Variants in CRB2 observed in about 807,000 individuals in gnomAD.
CRB2 encodes the protein protein crumbs homolog 2.
A neutral mutation model predicts 110.9 loss-of-function variants in CRB2; 85 were observed. That is an observed-to-expected ratio of 0.77 (90% CI 0.64 to 0.92). CRB2 has a LOEUF of 0.92. Among genes scored for constraint, CRB2 ranks in the 40% least tolerant of loss-of-function variants. The probability of loss-of-function intolerance (pLI) is 0.00; values close to 1 mark genes in which losing one functional copy is unlikely to be tolerated. For missense variants in CRB2, 1,843 were observed against 1,851.3 expected (o/e 1.00, Z 0.08); for synonymous variants, 907 against 831.0 (o/e 1.09, Z -1.57).
chr9:123,362,890 T>C lies in CRB2; in HGVS notation c.120T>C (p.Ser40=). The C allele has an allele frequency of 6.3e-7, 1 of 1,588,702 alleles. No individual in the cohort carries two copies. The highest frequency in any genetic ancestry group is 8.6e-7 in the Non-Finnish European group (1 of 1,160,084). Residue 40 remains serine, a synonymous_variant, in exon 2 of 13, where the codon AGT becomes AGC. Transcript: ENST00000373631. ...LAGTVPSEPP[S]ACASDPCAPG... is the part of the protein sequence containing the mutation. Reference sequence around the variant, plus strand: ...GGACGGTGCCTTCAGAGCCCCCCAGTGCCTGTGCCTCAGACCCGTGCGCTC... The same window carrying C: ...GGACGGTGCCTTCAGAGCCCCCCAGCGCCTGTGCCTCAGACCCGTGCGCTC...
chr9:123,371,055 C>T lies in CRB2; in HGVS notation c.1928-15C>T, dbSNP rs1312932730. 1 of 1,606,800 alleles carries T rather than the reference C, an allele frequency of 6.2e-7. No homozygotes were observed. The highest frequency in any genetic ancestry group is 8.5e-7 in the Non-Finnish European group (1 of 1,176,202). On this transcript the variant is annotated splice_polypyrimidine_tract_variant and intron_variant, in intron 7 of 12. Transcript: ENST00000373631. ...AGCCTGCAGGCCTCACACCTGGCAC[C>T]TTCTCTCCCTGCAGAGATTCCTGCT...
intron 12 of CRB2, 116 bp from the exon 13 acceptor site, chr9:123,376,722 G>A: frequency 9.9e-7 from 1 of 1,015,052 alleles, no homozygotes; most frequent in Non-Finnish European, 1.4e-6. Context: ...AGGGCAGCCT[G>A]CTCCCAGCTC....
Position 123,368,796 on chromosome 9 carries a change from G to A in CRB2, c.1054+1110G>A, listed in dbSNP as rs578117683. 25 of 1,193,912 alleles carry A rather than the reference G, an allele frequency of 2.1e-5. No homozygotes were observed. The African/African-American group carries it at 2.8e-4, about 13-fold the overall frequency. 74.0% of individuals were successfully genotyped at this position (1,193,912 alleles called of 1,614,324 possible). ...TGCCTGGCATTCCTGAGCAGGCTCC[G>A]AAGGAGGCAGCTGGGCCAGGCAGGG... is the stretch of plus-strand genomic sequence containing the variant. On this transcript the variant is annotated intron_variant, in intron 6 of 12. Coordinates refer to ENST00000373631, the MANE Select transcript of CRB2 (RefSeq NM_173689.7).
intron 2 of CRB2, 93 bp downstream of exon 2, chr9:123,363,281 G>T (rs558701795): frequency 1.5e-6 from 2 of 1,340,350 alleles, no homozygotes; most frequent in Admixed American, 4.3e-5. Context: ...TTTGCCTTTC[G>T]TGTAGGGACG....
At chr9:123,372,481 C>A in intron 9 of CRB2, 139 bp downstream of exon 9, 1 of 1,082,266 alleles carries the variant, frequency 9.2e-7, no homozygotes, top group Non-Finnish European at 1.3e-6. Context: ...GGGGCCACCG[C>A]ATGTAGAGGG....
chr9:123,367,164 G>GC lies in CRB2; in HGVS notation c.755-3dup. 1 of 1,575,576 alleles carries GC rather than the reference G, an allele frequency of 6.3e-7. No homozygotes were observed. ...TGAGACCTGATGTCCGCGTGTGTGT[G>GC]CCCCCAGGCTACAGCGGCGAGCTGT... On this transcript the variant is annotated splice_region_variant and splice_polypyrimidine_tract_variant and intron_variant, in intron 4 of 12. Transcript: ENST00000373631.
intron 10 of CRB2, 153 bp downstream of exon 10, chr9:123,374,073 T>A (rs2042065510): frequency 1.9e-6 from 2 of 1,044,184 alleles, no homozygotes; most frequent in Admixed American, 2.0e-5. Context: ...TTTGATAAAT[T>A]TCCTGATAAA....
chr9:123,377,360 C>G lies in CRB2; in HGVS notation c.*298C>G, dbSNP rs117309020. On this transcript the variant is annotated 3_prime_UTR_variant, in exon 13 of 13. Coordinates refer to ENST00000373631, the MANE Select transcript of CRB2 (RefSeq NM_173689.7). ...ACAGTGTGTTCAGGAGTGTGTGTAT[C>G]TGGAGGAGTGTGTGTGTGAGTGTGT... 215 of 364,218 alleles carry G rather than the reference C, an allele frequency of 5.9e-4. 2 individuals carry two copies. The East Asian group carries it at 8.3e-3, about 14-fold the overall frequency. The allele number at this position is 364,218 out of a possible 1,614,324, so 22.6% of individuals were successfully genotyped here. A position where few individuals can be genotyped will look rare whatever the true frequency, so the allele number is the denominator to read the frequency against.
chr9:123,358,776 T>A (rs577029216), intron 1 of CRB2, among the ~76,000 whole-genome samples: 91 of 152,318 alleles, frequency 6.0e-4, no homozygotes, highest in African/African-American at 1.9e-3. Flanking sequence ...TCACGTCTCT[T>A]CTCTGTCTCT....
At chr9:123,379,387 G>A (rs761576468), downstream of CRB2, among the ~76,000 whole-genome samples, 2 of 152,250 alleles carry the variant, frequency 1.3e-5, no homozygotes, top group South Asian at 2.1e-4. Context: ...CCTCAACGTC[G>A]TTGGAGGCCT....
intron 5 of CRB2, 60 bp downstream of exon 5, chr9:123,367,417 G>GGCCACCCCCCCCC: frequency 1.6e-6 from 2 of 1,269,294 alleles, no homozygotes; most frequent in South Asian, 1.4e-5. Context: ...GGGATCTTGT[G>GGCCACCCCCCCCC]CCCACCCCCC....
chr9:123,374,606 C>T lies in CRB2; in HGVS notation c.3417C>T (p.Ser1139=), dbSNP rs375028496. ...CRLPVPSKEC[S]LNVTCLDGSP... ...TGCCTGTCCCATCCAAGGAGTGCAG[C>T]CTGAATGTCACCTGCCTCGATGGCA... The change falls in exon 11 of 13, where the codon AGC becomes AGT. Residue 1139 remains serine, a synonymous_variant. Transcript: ENST00000373631. The T allele has an allele frequency of 7.9e-5, 128 of 1,613,406 alleles. No individual in the cohort carries two copies. Among genetic ancestry groups the T allele is most frequent in the Non-Finnish European group, 1.0e-4 (123 of 1,179,926 alleles).
rs2042127384 is a variant in CRB2 at position 123,377,851 on chromosome 9, A to G, written c.*789A>G. ...TCCCACCCTGCTGTGGTCATTTGTCAAAGGGGGAAGGCACCCACTGCCTAC... is the reference window on the plus strand; with the variant it reads ...TCCCACCCTGCTGTGGTCATTTGTCGAAGGGGGAAGGCACCCACTGCCTAC... On this transcript the variant is annotated 3_prime_UTR_variant, in exon 13 of 13. Transcript: ENST00000373631. The G allele has an allele frequency of 6.6e-6, 1 of 152,254 alleles. No individual in the cohort carries two copies. Among genetic ancestry groups the G allele is most frequent in the African/African-American group, 2.4e-5 (1 of 41,452 alleles). 9.4% of individuals were successfully genotyped at this position (152,254 alleles called of 1,614,324 possible).
chr9:123,361,066 G>C (rs553231495), intron 1 of CRB2, among the ~76,000 whole-genome samples: 1 of 151,848 alleles, frequency 6.6e-6, no homozygotes, highest in African/African-American at 2.4e-5. Context: ...TCCTTTCCCC[G>C]GTGCTGCCTC....
chr9:123,361,140 G>A (rs140535484), intron 1 of CRB2, among the ~76,000 whole-genome samples: 4 of 76,462 alleles, frequency 5.2e-5, no homozygotes, highest in Non-Finnish European at 7.2e-5. Context: ...GGCGGGGAGG[G>A]GGGGGGGTTC....
chr9:123,355,184 G>A (rs769034171), upstream of CRB2, among the ~76,000 whole-genome samples: 1 of 152,214 alleles, frequency 6.6e-6, no homozygotes, highest in Non-Finnish European at 1.5e-5. Flanking sequence ...TCTCTGAGAT[G>A]ACCTGGCTTC....
At chr9:123,360,412 C>A (rs1043198460) in intron 1 of CRB2, among the ~76,000 whole-genome samples, 1 of 152,184 alleles carries the variant, frequency 6.6e-6, no homozygotes, top group African/African-American at 2.4e-5. Context: ...CAGCCTGGCC[C>A]GGGAAGGGGG....
chr9:123,373,606 C>A lies in CRB2; in HGVS notation c.3075C>A (p.Pro1025=). ...TGGCGCTGGGCGGCCTGCCCCTGCCCTTGGCGCGGCCCCGGCCCGGCGCGG... is the reference window on the plus strand; with the variant it reads ...TGGCGCTGGGCGGCCTGCCCCTGCCATTGGCGCGGCCCCGGCCCGGCGCGG... ...GRVALGGLPL[P]LARPRPGAAP... is the part of the protein sequence containing the mutation. Residue 1025 remains proline, a synonymous_variant, in exon 10 of 13, where the codon CCC becomes CCA. Transcript: ENST00000373631. The A allele has an allele frequency of 2.2e-6, 3 of 1,377,894 alleles. No homozygotes were observed. Among genetic ancestry groups the A allele is most frequent in the South Asian group, 3.4e-5 (2 of 59,594 alleles). The allele number at this position is 1,377,894 out of a possible 1,614,324, so 85.4% of individuals were successfully genotyped here. A position where few individuals can be genotyped will look rare whatever the true frequency, so the allele number is the denominator to read the frequency against.
intron 9 of CRB2, 39 bp from the exon 10 acceptor site, chr9:123,373,095 G>A (rs1359689394): frequency 8.4e-6 from 12 of 1,429,384 alleles, no homozygotes; most frequent in Non-Finnish European, 1.1e-5. Flanking sequence ...TCTGGAGAAG[G>A]CTCCGTGGGC....
Sources: allele counts gnomAD v4.1 joint callset (sites outside exome capture counted in the v4.1 genomes callset), GRCh38; gene constraint gnomAD v4.1.1; transcripts MANE v1.5; gene names NCBI Gene and HGNC (gene_info 2026-07-23, HGNC 2026-07-21).